MIS18BP1: variants seen among roughly 807,000 people sequenced by gnomAD.
The protein encoded by MIS18BP1 is MIS18 binding protein 1.
Under a neutral mutation model 116.1 loss-of-function variants are expected in MIS18BP1, and 72 were observed. The ratio of observed to expected loss-of-function variants is 0.62; its 90% CI spans 0.51 to 0.75. The LOEUF is 0.75. Among genes scored for constraint, MIS18BP1 ranks in the 30% least tolerant of loss-of-function variants. The pLI is 0.00. For missense variants in MIS18BP1, 1,363 were observed against 1,303.2 expected (o/e 1.05, Z -0.71); for synonymous variants, 386 against 427.0 (o/e 0.90, Z 1.18).
intron 2 of MIS18BP1, among the ~76,000 whole-genome samples, chr14:45,246,024 C>T (rs1330642248): frequency 6.6e-6 from 1 of 152,178 alleles, no homozygotes; most frequent in Admixed American, 6.5e-5. Flanking sequence ...ACACCTGAAC[C>T]AAGCCAACAC....
intron 5 of MIS18BP1, 78 bp from the exon 6 acceptor site, chr14:45,236,022 G>T: frequency 7.8e-7 from 1 of 1,287,060 alleles, no homozygotes; most frequent in Non-Finnish European, 1.1e-6. Flanking sequence ...TTACACTTTA[G>T]CTACAGCAAC....
intron 1 of MIS18BP1, among the ~76,000 whole-genome samples, chr14:45,248,054 C>CTTTTTTTTTTT (rs1891769661): frequency 9.2e-6 from 1 of 108,754 alleles, no homozygotes; most frequent in Non-Finnish European, 1.9e-5. Flanking sequence ...TTGTTTCTTT[C>CTTTTTTTTTTT]GTTTTTTTTT....
Position 45,206,159 on chromosome 14 carries a change from TCA to T in MIS18BP1, c.3162_3163del (p.Cys1054Ter), listed in dbSNP as rs1890512020. 2 of 1,599,110 alleles carry T rather than the reference TCA, an allele frequency of 1.3e-6. No individual in the cohort carries two copies. The highest frequency in any genetic ancestry group is 1.3e-5 in the African/African-American group (1 of 74,556). ...TTTTTGCATACGAAAAACATATTTA[TCA>T]CAGTCATTCCTGTTTGAATACGAAA... On this transcript the variant is annotated stop_gained and frameshift_variant, in exon 15 of 17. Coordinates refer to ENST00000310806, the MANE Select transcript of MIS18BP1 (RefSeq NM_018353.5). LOFTEE classifies it high-confidence loss of function.
intron 7 of MIS18BP1, 113 bp downstream of exon 7, chr14:45,232,620 C>A (rs1891319255): frequency 3.0e-6 from 2 of 661,594 alleles, no homozygotes; most frequent in Non-Finnish European, 5.5e-6. Context: ...CATGACGAAA[C>A]CCCATCTCTA....
intron 14 of MIS18BP1, 65 bp downstream of exon 14, chr14:45,210,315 A>C: frequency 6.7e-7 from 1 of 1,503,706 alleles, no homozygotes; most frequent in Non-Finnish European, 9.1e-7. Flanking sequence ...GTCCTCATGA[A>C]ATGTTTAAAT....
chr14:45,246,772 G>T lies in MIS18BP1; in HGVS notation c.515C>A (p.Ser172Ter). 6.3e-7 allele frequency: 1 copy of T among 1,576,308 alleles called. No homozygotes were observed. Among genetic ancestry groups the T allele is most frequent in the South Asian group, 1.2e-5 (1 of 83,588 alleles). The stretch of plus-strand genomic sequence containing the variant: ...TAGTGAACTGTCATCTGACTGGAAT[G>T]ATTTGTTGTTTTCCTTTTCTTCACA... ...YLCEEKENNKSFQSDDSSLRA... is the reference protein window; with the variant it reads ...YLCEEKENNK The change falls in exon 2 of 17, where the codon TCA becomes TAA. Residue 172 changes from serine to a stop codon, truncating the protein, a stop_gained. Coordinates refer to ENST00000310806, the MANE Select transcript of MIS18BP1 (RefSeq NM_018353.5). LOFTEE classifies it high-confidence loss of function.
At chr14:45,246,681 C>T in intron 2 of MIS18BP1, 62 bp downstream of exon 2, 7 of 1,457,116 alleles carry the variant, frequency 4.8e-6, no homozygotes, top group Non-Finnish European at 6.4e-6. Context: ...GCACCTAAAA[C>T]AGTGTCTGAA....
At chr14:45,207,994 T>C (rs1199685465) in intron 14 of MIS18BP1, among the ~76,000 whole-genome samples, 1 of 152,184 alleles carries the variant, frequency 6.6e-6, no homozygotes, top group Non-Finnish European at 1.5e-5. Context: ...ACTGGTGTCA[T>C]TCTACAACCT....
In MIS18BP1 at chr14:45,242,201, C is replaced by G. The variant is rs1459301296; in HGVS notation, c.976G>C (p.Val326Leu). Reference sequence around the variant, plus strand: ...CCTGGAAGACCTGTCTCTCCAGGCACTGTTTTTCCATTTCCTTCCTTAACT... The same window carrying G: ...CCTGGAAGACCTGTCTCTCCAGGCAGTGTTTTTCCATTTCCTTCCTTAACT... ...QKVKEGNGKT[V>L]PGETGLPGSM... is the part of the protein sequence containing the mutation. The change falls in exon 4 of 17, where the codon GTG becomes CTG. Residue 326 changes from valine to leucine, a missense_variant. Physicochemically the swap from Val to Leu is conservative, Grantham distance 32. Coordinates refer to ENST00000310806, the MANE Select transcript of MIS18BP1 (RefSeq NM_018353.5). The G allele has an allele frequency of 6.2e-7, 1 of 1,613,992 alleles. No individual in the cohort carries two copies. The highest frequency in any genetic ancestry group is 8.5e-7 in the Non-Finnish European group (1 of 1,180,012).
rs1489725196 is a variant in MIS18BP1, at chr14:45,227,661, A to C, written c.1746+2T>G. 1.2e-6 allele frequency: 2 copies of C among 1,611,086 alleles called. No individual in the cohort carries two copies. The highest frequency in any genetic ancestry group is 1.7e-6 in the Non-Finnish European group (2 of 1,177,566). ...ACTATACAGTGTACAATAAAGCCTTACCTGATTAGATAAGTCATCTCCTCC... is the reference window on the plus strand; with the variant it reads ...ACTATACAGTGTACAATAAAGCCTTCCCTGATTAGATAAGTCATCTCCTCC... On this transcript the variant is annotated splice_donor_variant, in intron 9 of 16. Transcript: ENST00000310806. LOFTEE classifies it high-confidence loss of function.
chr14:45,233,903 T>G (rs1327710603), intron 6 of MIS18BP1, among the ~76,000 whole-genome samples: 3 of 152,060 alleles, frequency 2.0e-5, no homozygotes, highest in Non-Finnish European at 4.4e-5. Context: ...GTTTGAGATA[T>G]AAAATTGGCA....
intron 15 of MIS18BP1, among the ~76,000 whole-genome samples, chr14:45,204,880 A>T (rs1338205940): frequency 6.6e-6 from 1 of 152,080 alleles, no homozygotes; most frequent in Non-Finnish European, 1.5e-5. Context: ...AGTAATTACT[A>T]TACAGAATAC....
chr14:45,243,057 A>G (rs1891628635), intron 2 of MIS18BP1, among the ~76,000 whole-genome samples, 183 bp from the exon 3 acceptor site: 1 of 152,106 alleles, frequency 6.6e-6, no homozygotes, highest in South Asian at 2.1e-4. Flanking sequence ...ATCTTCTCAT[A>G]CCTTTACCCC....
At chr14:45,220,082 T>C (rs552462850) in intron 11 of MIS18BP1, among the ~76,000 whole-genome samples, 26 of 150,296 alleles carry the variant, frequency 1.7e-4, no homozygotes, top group African/African-American at 6.5e-4. Flanking sequence ...CCATTCATTC[T>C]AGCTTTCTTT....
At chr14:45,209,222 A>G (rs987271840) in intron 14 of MIS18BP1, among the ~76,000 whole-genome samples, 3 of 152,156 alleles carry the variant, frequency 2.0e-5, no homozygotes, top group Non-Finnish European at 2.9e-5. Flanking sequence ...ACATACATAT[A>G]GCTTCTATTT....
chr14:45,230,174 G>T (rs759763993), intron 8 of MIS18BP1, among the ~76,000 whole-genome samples: 4 of 152,162 alleles, frequency 2.6e-5, no homozygotes, highest in Non-Finnish European at 5.9e-5. Context: ...GGCAAAATCA[G>T]CAGAAATGTT....
Position 45,224,048 on chromosome 14 carries a change from C to T in MIS18BP1, c.2539G>A (p.Gly847Ser), listed in dbSNP as rs1307536028. The T allele has an allele frequency of 6.2e-7, 1 of 1,613,708 alleles. No homozygotes were observed. The highest frequency in any genetic ancestry group is 1.3e-5 in the African/African-American group (1 of 74,910). ...PSVKETLQKS[G>S]VRKEFPITEA... ...GTAATTGGAAACTCTTTCCTAACAC[C>T]AGACTTCTGAAGAGTTTCTTTGACG... Residue 847 changes from glycine to serine, a missense_variant, in exon 11 of 17, where the codon GGT becomes AGT. By Grantham distance (56) the Gly-to-Ser change is moderately conservative. Transcript: ENST00000310806.
At chr14:45,234,244 C>G (rs966729908) in intron 6 of MIS18BP1, among the ~76,000 whole-genome samples, 3 of 149,528 alleles carry the variant, frequency 2.0e-5, no homozygotes, top group Non-Finnish European at 4.4e-5. Context: ...AAAGAAAATT[C>G]AAGAGAAATT....
chr14:45,226,247 C>T (rs1891119430), intron 10 of MIS18BP1, among the ~76,000 whole-genome samples: 1 of 152,130 alleles, frequency 6.6e-6, no homozygotes, highest in Admixed American at 6.5e-5. Context: ...AAATGTTCTT[C>T]ACTTTCACTT....
Sources: allele counts gnomAD v4.1 joint callset (sites outside exome capture counted in the v4.1 genomes callset), GRCh38; gene constraint gnomAD v4.1.1; transcripts MANE v1.5; gene names NCBI Gene and HGNC (gene_info 2026-07-23, HGNC 2026-07-21).